Variants in SLC8A3 observed in about 807,000 individuals in gnomAD.
SLC8A3 encodes solute carrier family 8 member A3, also known as sodium/calcium exchanger 3.
A neutral mutation model predicts 65.4 loss-of-function variants in SLC8A3; 37 were observed. That is an observed-to-expected ratio of 0.57 (90% CI 0.44 to 0.74). The LOEUF is 0.74. Among genes scored for constraint, SLC8A3 ranks in the 30% least tolerant of loss-of-function variants. The pLI, the probability that SLC8A3 is intolerant of heterozygous loss-of-function variation, is 0.00. For synonymous variants in SLC8A3, 461 were observed against 444.5 expected, an observed-to-expected ratio of 1.04 and a Z score of -0.47; for missense variants, 1,112 against 1,172.1, an observed-to-expected ratio of 0.95 and a Z score of 0.75.
intron 2 of SLC8A3, among the ~76,000 whole-genome samples, chr14:70,114,213 C>G (rs1356048764): frequency 6.6e-6 from 1 of 152,158 alleles, no homozygotes; most frequent in Non-Finnish European, 1.5e-5. Context: ...TGACATCTTA[C>G]AGTGCTGGGC....
intron 3 of SLC8A3, among the ~76,000 whole-genome samples, chr14:70,056,250 G>A (rs752326526): frequency 1.3e-5 from 2 of 152,150 alleles, no homozygotes; most frequent in Non-Finnish European, 2.9e-5. Flanking sequence ...CTTATGAGTG[G>A]CAAAAATGAC....
At position 70,124,481 on chromosome 14, in the gene SLC8A3, G is replaced by C. The variant is rs185627640; in HGVS notation, c.1784+42158C>G. On this transcript the variant is annotated intron_variant, in intron 2 of 6. Coordinates refer to ENST00000356921, the MANE Select transcript of SLC8A3 (RefSeq NM_182932.3). ...TATGGCCTCTCATGTTCAAGCCCTT[G>C]CTTCTCATATCCTGATGATTCATTT... is the stretch of plus-strand genomic sequence containing the variant. Among the ~76,000 whole-genome samples, 104 of 152,268 alleles carry C rather than the reference G, an allele frequency of 6.8e-4. 1 individual carries two copies. Among genetic ancestry groups the C allele is most frequent in the Non-Finnish European group, 1.3e-4 (9 of 68,012 alleles).
At chr14:70,048,369 C>A in intron 6 of SLC8A3, 1 of 488,082 alleles carries the variant, frequency 2.0e-6, no homozygotes, top group Non-Finnish European at 3.6e-6. Flanking sequence ...TTTAATTTCA[C>A]TGTTTGTGGT....
chr14:70,167,041 T>C lies in SLC8A3; in HGVS notation c.1382A>G (p.Gln461Arg). The C allele has an allele frequency of 1.2e-6, 2 of 1,613,952 alleles. No homozygotes were observed. The highest frequency in any genetic ancestry group is 1.3e-5 in the African/African-American group (1 of 75,056). Residue 461 changes from glutamine to arginine, a missense_variant, in exon 2 of 7, where the codon CAG becomes CGG. Physicochemically the swap from Gln to Arg is conservative, Grantham distance 43. Coordinates refer to ENST00000356921, the MANE Select transcript of SLC8A3 (RefSeq NM_182932.3). Reference sequence around the variant, plus strand: ...AATTATGCCCACGGAGAACTCCTTCTGGGTCTCTCCTGGCTTCAGAACCAC... The same window carrying C: ...AATTATGCCCACGGAGAACTCCTTCCGGGTCTCTCCTGGCTTCAGAACCAC... The part of the protein sequence containing the change: ...GTVVLKPGET[Q>R]KEFSVGIIDD...
chr14:70,084,751 G>A (rs1434972733), intron 2 of SLC8A3, among the ~76,000 whole-genome samples: 1 of 152,198 alleles, frequency 6.6e-6, no homozygotes, highest in Non-Finnish European at 1.5e-5. Context: ...GAGTTGGAGT[G>A]AGAAATTAAG....
At chr14:70,092,387 A>G (rs981980469) in intron 2 of SLC8A3, among the ~76,000 whole-genome samples, 1 of 152,010 alleles carries the variant, frequency 6.6e-6, no homozygotes, top group Admixed American at 6.5e-5. Context: ...TGCCCCTGTC[A>G]TGCCTCTCAG....
chr14:70,183,508 C>T (rs11622845), intron 1 of SLC8A3, among the ~76,000 whole-genome samples: 25,889 of 152,050 alleles, frequency 0.17, 2,488 homozygotes, highest in Admixed American at 0.25. Flanking sequence ...CTTTGCTCTG[C>T]AGTTCAGTTG....
At chr14:70,109,378 A>G (rs754754007) in intron 2 of SLC8A3, among the ~76,000 whole-genome samples, 1 of 149,808 alleles carries the variant, frequency 6.7e-6, no homozygotes, top group Non-Finnish European at 1.5e-5. Flanking sequence ...CTCTTTCTCT[A>G]TATATAATGT....
At chr14:70,058,063 C>A (rs1490496521) in intron 3 of SLC8A3, among the ~76,000 whole-genome samples, 3 of 152,148 alleles carry the variant, frequency 2.0e-5, no homozygotes, top group Non-Finnish European at 4.4e-5. Flanking sequence ...TTTTTTCCAT[C>A]CCCCAGCTCA....
chr14:70,152,498 C>A (rs969429182), intron 2 of SLC8A3, among the ~76,000 whole-genome samples: 2 of 44,134 alleles, frequency 4.5e-5, no homozygotes, highest in Non-Finnish European at 7.9e-5. Context: ...CAAACAACAA[C>A]AACAACAAAA....
chr14:70,142,407 T>A (rs1432284732), intron 2 of SLC8A3, among the ~76,000 whole-genome samples: 3 of 152,220 alleles, frequency 2.0e-5, no homozygotes, highest in South Asian at 2.1e-4. Flanking sequence ...GATCACCAGT[T>A]CTCCTTAAAA....
chr14:70,183,035 G>C (rs114652689), intron 1 of SLC8A3, among the ~76,000 whole-genome samples: 17 of 152,142 alleles, frequency 1.1e-4, no homozygotes, highest in African/African-American at 3.4e-4. Flanking sequence ...ACACTGTTTG[G>C]TTTCATTCTT....
intron 2 of SLC8A3, among the ~76,000 whole-genome samples, chr14:70,103,389 G>A (rs1892657858): frequency 6.6e-6 from 1 of 152,108 alleles, no homozygotes; most frequent in South Asian, 2.1e-4. Context: ...AGAATAAAAT[G>A]TTATATGTAT....
intron 2 of SLC8A3, among the ~76,000 whole-genome samples, chr14:70,119,238 TC>T (rs1336659033): frequency 6.6e-6 from 1 of 152,146 alleles, no homozygotes; most frequent in Admixed American, 6.5e-5. Flanking sequence ...AAGTCCTATT[TC>T]CAAGGCTACC....
chr14:70,158,729 G>A (rs1431098726), intron 2 of SLC8A3, among the ~76,000 whole-genome samples: 1 of 152,116 alleles, frequency 6.6e-6, no homozygotes, highest in East Asian at 1.9e-4. Context: ...CACATATCCA[G>A]TTTTCAGAAA....
chr14:70,074,365 C>T (rs1378363922), intron 2 of SLC8A3, among the ~76,000 whole-genome samples: 1 of 152,202 alleles, frequency 6.6e-6, no homozygotes, highest in Non-Finnish European at 1.5e-5. Flanking sequence ...CAACGTAGGT[C>T]CCAGGCTATT....
At chr14:70,064,052 C>G in intron 2 of SLC8A3, 1 of 621,928 alleles carries the variant, frequency 1.6e-6, no homozygotes, top group Non-Finnish European at 2.9e-6. Flanking sequence ...TTTGCCCCAA[C>G]ACCACAGGGG....
At chr14:70,058,122 TAG>T (rs947569620) in intron 3 of SLC8A3, among the ~76,000 whole-genome samples, 13 of 152,192 alleles carry the variant, frequency 8.5e-5, no homozygotes, top group African/African-American at 2.4e-4. Flanking sequence ...TTGCCAAAAA[TAG>T]AGTCTCCTAT....
Position 70,045,637 on chromosome 14 carries a change from G to A in SLC8A3, c.*310C>T, listed in dbSNP as rs931939177. On this transcript the variant is annotated 3_prime_UTR_variant, in exon 7 of 7. Coordinates refer to ENST00000356921, the MANE Select transcript of SLC8A3 (RefSeq NM_182932.3). ...TAATCAAAAGATGGAATAGAAGGAG[G>A]CGAAAGGCTCTGACCTTTGCTTTGG... 2 of 255,398 alleles carry A rather than the reference G, an allele frequency of 7.8e-6. No individual in the cohort carries two copies. Among genetic ancestry groups the A allele is most frequent in the African/African-American group, 2.2e-5 (1 of 45,666 alleles). The allele number at this position is 255,398 out of a possible 1,614,324, so 15.8% of individuals were successfully genotyped here. A position where few individuals can be genotyped will look rare whatever the true frequency, so the allele number is the denominator to read the frequency against.
Sources: allele counts gnomAD v4.1 joint callset (sites outside exome capture counted in the v4.1 genomes callset), GRCh38; gene constraint gnomAD v4.1.1; transcripts MANE v1.5; gene names NCBI Gene and HGNC (gene_info 2026-07-23, HGNC 2026-07-21).